The following ATOH8 variants were observed in gnomAD, a reference collection of about 807,000 sequenced individuals.
ATOH8 encodes atonal bHLH transcription factor 8.
A neutral mutation model predicts 21.2 loss-of-function variants in ATOH8; 9 were observed. The ratio of observed to expected loss-of-function variants is 0.42; its 90% CI spans 0.26 to 0.74. The LOEUF (loss-of-function observed/expected upper bound fraction) is 0.74. ATOH8 is among the 30% of genes least tolerant of loss of function. The pLI, the probability that ATOH8 is intolerant of heterozygous loss-of-function variation, is 0.24. For missense variants in ATOH8, 524 were observed against 470.9 expected, an observed-to-expected ratio of 1.11 and a Z score of -1.04; for synonymous variants, 253 against 224.0, an observed-to-expected ratio of 1.13 and a Z score of -1.16.
At position 85,761,111 on chromosome 2, in the gene ATOH8, G is replaced by C. The variant is rs141873116; in HGVS notation, c.769-2880G>C. On this transcript the variant is annotated intron_variant, in intron 1 of 2. Coordinates refer to ENST00000306279, the MANE Select transcript of ATOH8 (RefSeq NM_032827.7). The stretch of plus-strand genomic sequence containing the variant: ...GGTAAGGAGCTGCCTCTAGGGGTCG[G>C]GGAGAAGGAGAGGGGAGCAACCTGA... Among the ~76,000 whole-genome samples the C allele has an allele frequency of 3.8e-4, 58 of 152,296 alleles. 1 individual carries two copies. The East Asian group carries it at 0.011, about 28-fold the overall frequency.
intron 1 of ATOH8, among the ~76,000 whole-genome samples, chr2:85,756,033 C>T (rs1208051078): frequency 6.6e-6 from 1 of 151,194 alleles, no homozygotes; most frequent in African/African-American, 2.4e-5. Flanking sequence ...GATCACTCTC[C>T]TCTTCCTGCT....
chr2:85,754,751 G>A lies in ATOH8; in HGVS notation c.562G>A (p.Gly188Arg). ...GCGCCCTGCGCCCCCGACGCGCCCC[G>A]GGGAAAGTTCCTACTCGTCAATTTC... The part of the protein sequence containing the change: ...TVRPAPPTRP[G>R]ESSYSSISHV... Residue 188 changes from glycine to arginine, a missense_variant, in exon 1 of 3, where the codon GGG (glycine) becomes AGG (arginine). Physicochemically the swap from Gly to Arg is moderately radical, Grantham distance 125. Transcript: ENST00000306279. 1.2e-6 allele frequency: 2 copies of A among 1,612,724 alleles called. No individual in the cohort carries two copies. The highest frequency in any genetic ancestry group is 1.7e-6 in the Non-Finnish European group (2 of 1,179,806).
chr2:85,774,470 T>A, intron 2 of ATOH8: 1 of 985,438 alleles, frequency 1.0e-6, no homozygotes, highest in Non-Finnish European at 1.2e-6. Context: ...ACAACAAACC[T>A]TCCTTGTGCT....
chr2:85,754,586 C>T lies in ATOH8; in HGVS notation c.397C>T (p.Gln133Ter). 1 of 1,463,898 alleles carries T rather than the reference C, an allele frequency of 6.8e-7. No individual in the cohort carries two copies. The highest frequency in any genetic ancestry group is 9.0e-7 in the Non-Finnish European group (1 of 1,117,184). The allele number at this position is 1,463,898 out of a possible 1,614,324, so 90.7% of individuals were successfully genotyped here. ...TPPPPPPPAP[Q>*]SQAPGGPEAQ... ...GCCGCCGCCGCCGCCTCCTGCGCCC[C>T]AGAGCCAGGCACCTGGGGGCCCAGA... Residue 133 changes from glutamine (Q) to a stop codon, truncating the protein, a stop_gained, in exon 1 of 3, where the codon CAG (glutamine) becomes TAG (stop). Transcript: ENST00000306279. LOFTEE classifies it high-confidence loss of function.
chr2:85,767,528 A>C (rs1000137133), intron 2 of ATOH8, among the ~76,000 whole-genome samples: 3 of 140,008 alleles, frequency 2.1e-5, no homozygotes, highest in Admixed American at 7.6e-5. Flanking sequence ...CAAGCAAGAG[A>C]TGGGAATCTC....
rs778752997 is a variant in ATOH8 at position 85,754,451 on chromosome 2, G to T, written c.262G>T (p.Gly88Trp). Residue 88 changes from glycine (G) to tryptophan (W), a missense_variant, in exon 1 of 3, where the codon GGG becomes TGG. Gly to Trp is a radical substitution (Grantham distance 184). Coordinates refer to ENST00000306279, the MANE Select transcript of ATOH8 (RefSeq NM_032827.7). ...VPVAPAVPPR[G>W]GTDTAGERGG... ...AGTGGCGCCGGCCGTTCCCCCAAGAGGGGGCACGGACACAGCCGGGGAGCG... is the reference window on the plus strand; with the variant it reads ...AGTGGCGCCGGCCGTTCCCCCAAGATGGGGCACGGACACAGCCGGGGAGCG... 1 of 1,511,770 alleles carries T rather than the reference G, an allele frequency of 6.6e-7. No homozygotes were observed. Among genetic ancestry groups the T allele is most frequent in the Non-Finnish European group, 8.8e-7 (1 of 1,138,630 alleles). The allele number at this position is 1,511,770 out of a possible 1,614,324, so 93.6% of individuals were successfully genotyped here. A position where few individuals can be genotyped will look rare whatever the true frequency, so the allele number is the denominator to read the frequency against.
At position 85,772,312 on chromosome 2, in the gene ATOH8, G is replaced by A. The variant is rs991832656; in HGVS notation, c.960+8130G>A. On this transcript the variant is annotated intron_variant, in intron 2 of 2. Transcript: ENST00000306279. Reference sequence around the variant, plus strand: ...CTGGGAGCGCGCCTGGTTCCCATTCGGGCGCTGTGGTTTTGATTAGCTGTT... The same window carrying A: ...CTGGGAGCGCGCCTGGTTCCCATTCAGGCGCTGTGGTTTTGATTAGCTGTT... Among the ~76,000 whole-genome samples the A allele has an allele frequency of 3.9e-5, 6 of 152,180 alleles. No homozygotes were observed. The East Asian group carries it at 9.6e-4, about 24-fold the overall frequency.
At position 85,766,765 on chromosome 2, in the gene ATOH8, A is replaced by T. The variant is rs1680027393; in HGVS notation, c.960+2583A>T. ...AGGCCCCTGTGTCCCGCTTCTGGGC[A>T]CCTATGCTTTTGCGGTCATAATTGC... On this transcript the variant is annotated intron_variant, in intron 2 of 2. Coordinates refer to ENST00000306279, the MANE Select transcript of ATOH8 (RefSeq NM_032827.7). This position sits in a 1 kb window ranked among gnomAD's most constrained non-coding sequence, Gnocchi z 4.0. Among the ~76,000 whole-genome samples the T allele has an allele frequency of 6.6e-6, 1 of 151,848 alleles. No individual in the cohort carries two copies. The highest frequency in any genetic ancestry group is 2.4e-5 in the African/African-American group (1 of 41,378).
Position 85,764,178 on chromosome 2 carries a change from G to T in ATOH8, c.956G>T (p.Arg319Leu), listed in dbSNP as rs777773100. 2.5e-6 allele frequency: 4 copies of T among 1,614,072 alleles called. No individual in the cohort carries two copies. The South Asian group carries it at 4.4e-5, about 18-fold the overall frequency. Residue 319 changes from arginine to leucine, a missense_variant, in exon 2 of 3, where the codon CGC becomes CTC. Coordinates refer to ENST00000306279, the MANE Select transcript of ATOH8 (RefSeq NM_032827.7). ...TLQAEGRAKK[R>L]KE ...CAGGCCGAGGGACGTGCCAAGAAGC[G>T]CAAGGTATGCACCAGCTGGGTGGGC...
Position 85,770,694 on chromosome 2 carries a change from G to A in ATOH8, c.960+6512G>A, listed in dbSNP as rs745776954. Among the ~76,000 whole-genome samples, 43 of 152,136 alleles carry A rather than the reference G, an allele frequency of 2.8e-4. 1 individual carries two copies. The highest frequency in any genetic ancestry group is 5.1e-4 in the Non-Finnish European group (35 of 68,006). ...AGCTGAGCTGGCTTTCCCTGAACGT[G>A]GACCGTGCCTCTGAGGTTCCCCGGG... On this transcript the variant is annotated intron_variant, in intron 2 of 2. Transcript: ENST00000306279.
At chr2:85,776,211 CCG>C (rs1370412085) in intron 2 of ATOH8, among the ~76,000 whole-genome samples, 2 of 152,192 alleles carry the variant, frequency 1.3e-5, no homozygotes, top group African/African-American at 4.8e-5. Context: ...ATCCAGGCCA[CCG>C]CTGTCCTCTG....
intron 2 of ATOH8, among the ~76,000 whole-genome samples, chr2:85,769,840 G>T (rs1006449459): frequency 6.6e-6 from 1 of 152,186 alleles, no homozygotes; most frequent in African/African-American, 2.4e-5. Context: ...GGCCCCTAGG[G>T]TGCCCACCAA....
At position 85,754,714 on chromosome 2, in the gene ATOH8, G is replaced by A. The variant is rs1375489461; in HGVS notation, c.525G>A (p.Pro175=). 5.0e-6 allele frequency: 8 copies of A among 1,611,050 alleles called. No homozygotes were observed. Among genetic ancestry groups the A allele is most frequent in the African/African-American group, 4.0e-5 (3 of 74,864 alleles). Residue 175 remains proline, a synonymous_variant, in exon 1 of 3, where the codon CCG becomes CCA. Transcript: ENST00000306279. ...PSAPPAPPAP[P]ESTVRPAPPT... is the part of the protein sequence containing the mutation. ...CACCCCCAGCACCGCCAGCGCCCCC[G>A]GAGTCCACTGTGCGCCCTGCGCCCC...
intron 1 of ATOH8, among the ~76,000 whole-genome samples, chr2:85,759,463 TA>T (rs2104498798): frequency 6.6e-6 from 1 of 152,118 alleles, no homozygotes; most frequent in South Asian, 2.1e-4. Flanking sequence ...TGAGGACACT[TA>T]CAGAGAGGTG....
Position 85,787,181 on chromosome 2 carries a change from G to A in ATOH8, c.*291G>A, listed in dbSNP as rs562190232. ...GCCCACTGTCCAGCTGCAGAAATTCGTTGCCAAAGATTGGACAGAGACACC... is the reference window on the plus strand; with the variant it reads ...GCCCACTGTCCAGCTGCAGAAATTCATTGCCAAAGATTGGACAGAGACACC... On this transcript the variant is annotated 3_prime_UTR_variant, in exon 3 of 3. Transcript: ENST00000306279. 3.2e-5 allele frequency: 14 copies of A among 431,626 alleles called. No individual in the cohort carries two copies. Among genetic ancestry groups the A allele is most frequent in the South Asian group, 1.1e-4 (2 of 17,982 alleles). 26.7% of individuals were successfully genotyped at this position (431,626 alleles called of 1,614,324 possible).
intron 2 of ATOH8, among the ~76,000 whole-genome samples, chr2:85,771,650 G>A (rs1361494191): frequency 3.9e-5 from 6 of 152,134 alleles, no homozygotes; most frequent in Non-Finnish European, 7.4e-5. Context: ...GAAATCCTCG[G>A]ATGTCAAAGT....
chr2:85,775,655 A>AG (rs1055543545), intron 2 of ATOH8, among the ~76,000 whole-genome samples: 5 of 152,284 alleles, frequency 3.3e-5, no homozygotes, highest in African/African-American at 1.2e-4. Flanking sequence ...CAGTCAGGGT[A>AG]GGGGGCCATG....
At position 85,758,657 on chromosome 2, in the gene ATOH8, C is replaced by T. The variant is rs551197126; in HGVS notation, c.768+3700C>T. 5.3e-5 allele frequency among the ~76,000 whole-genome samples: 8 copies of T among 152,288 alleles called. No homozygotes were observed. The South Asian group carries it at 6.2e-4, about 12-fold the overall frequency. Reference sequence around the variant, plus strand: ...GGAGCAGGGAGGGTGGCTGCAGGGCCGCAGGTGGGGAGGTGCAGGTGGGAG... The same window carrying T: ...GGAGCAGGGAGGGTGGCTGCAGGGCTGCAGGTGGGGAGGTGCAGGTGGGAG... On this transcript the variant is annotated intron_variant, in intron 1 of 2. Coordinates refer to ENST00000306279, the MANE Select transcript of ATOH8 (RefSeq NM_032827.7).
rs776084766 is a variant in ATOH8, at chr2:85,754,697, G to A, written c.508G>A (p.Ala170Thr). The A allele has an allele frequency of 5.0e-6, 8 of 1,606,242 alleles. No individual in the cohort carries two copies. Among genetic ancestry groups the A allele is most frequent in the Middle Eastern group, 1.6e-4 (1 of 6,064 alleles). Residue 170 changes from alanine to threonine, a missense_variant, in exon 1 of 3, where the codon GCA (alanine) becomes ACA (threonine). Physicochemically the swap from Ala to Thr is moderately conservative, Grantham distance 58. Transcript: ENST00000306279. ...PARPAPSAPP[A>T]PPAPPESTVR... Reference sequence around the variant, plus strand: ...GCGCCCCGCGCCGTCAGCACCCCCAGCACCGCCAGCGCCCCCGGAGTCCAC... The same window carrying A: ...GCGCCCCGCGCCGTCAGCACCCCCAACACCGCCAGCGCCCCCGGAGTCCAC...
Sources: gnomAD v4.1 joint callset for allele counts (sites outside exome capture counted in the v4.1 genomes callset) on GRCh38, gnomAD v4.1.1 for gene constraint, Gnocchi (gnomAD v3.1) non-coding constraint, MANE v1.5 for transcripts, NCBI Gene and HGNC (gene_info 2026-07-23, HGNC 2026-07-21) for gene names.